DNAJC3: variants seen among roughly 807,000 people sequenced by gnomAD.
DNAJC3 encodes the protein dnaJ homolog subfamily C member 3.
DNAJC3 carries 38 observed loss-of-function variants against 68.6 expected under a neutral mutation model. The ratio of observed to expected loss-of-function variants is 0.55; its 90% CI spans 0.43 to 0.73. DNAJC3 has a LOEUF of 0.73. Among genes scored for constraint, DNAJC3 ranks in the 30% least tolerant of loss-of-function variants. The probability of loss-of-function intolerance (pLI) is 0.00; values close to 1 mark genes in which losing one functional copy is unlikely to be tolerated. For synonymous variants in DNAJC3, 203 were observed against 204.0 expected, an observed-to-expected ratio of 1.00 and a Z score of 0.04; for missense variants, 526 against 591.9, an observed-to-expected ratio of 0.89 and a Z score of 1.16.
intron 1 of DNAJC3, among the ~76,000 whole-genome samples, chr13:95,702,589 G>A (rs1593962412): frequency 6.6e-6 from 1 of 152,292 alleles, no homozygotes; most frequent in Middle Eastern, 3.4e-3. Context: ...GAGGCCTGAA[G>A]GAGCTTGTTT....
At chr13:95,779,095 A>T (rs1594025640) in intron 9 of DNAJC3, among the ~76,000 whole-genome samples, 4 of 144,686 alleles carry the variant, frequency 2.8e-5, no homozygotes, top group Admixed American at 2.7e-4. Flanking sequence ...AACGGAATTT[A>T]TAATCTTTGA....
At position 95,725,165 on chromosome 13, in the gene DNAJC3, C is replaced by T; in HGVS notation, c.319-13C>T. 1 of 1,545,752 alleles carries T rather than the reference C, an allele frequency of 6.5e-7. No homozygotes were observed. The highest frequency in any genetic ancestry group is 8.7e-7 in the Non-Finnish European group (1 of 1,150,440). On this transcript the variant is annotated splice_polypyrimidine_tract_variant and intron_variant, in intron 3 of 11. Transcript: ENST00000602402. ...TAATATTCAAGATAATCCTCTGCCC[C>T]CTTTTTTTCTAGGCAAGATTACAGA...
chr13:95,730,460 T>C (rs899617453), intron 4 of DNAJC3, among the ~76,000 whole-genome samples: 3 of 152,232 alleles, frequency 2.0e-5, no homozygotes, highest in African/African-American at 7.2e-5. Context: ...TTTAAGTCTT[T>C]AAGGCGTTTG....
At chr13:95,698,398 G>C (rs77678596) in intron 1 of DNAJC3, among the ~76,000 whole-genome samples, 1 of 152,320 alleles carries the variant, frequency 6.6e-6, no homozygotes, top group East Asian at 1.9e-4. Flanking sequence ...GGGTCAGGGC[G>C]AGATAGCTGG....
chr13:95,753,972 C>T (rs1882571602), intron 4 of DNAJC3, among the ~76,000 whole-genome samples: 1 of 152,166 alleles, frequency 6.6e-6, no homozygotes, highest in Non-Finnish European at 1.5e-5. Flanking sequence ...ACAGCCCGGT[C>T]ACTGAGAAAT....
At chr13:95,710,614 C>A (rs760770476) in intron 2 of DNAJC3, among the ~76,000 whole-genome samples, 1 of 152,086 alleles carries the variant, frequency 6.6e-6, no homozygotes, top group Non-Finnish European at 1.5e-5. Context: ...TATATTTTTA[C>A]CTTGATTTGA....
At chr13:95,767,985 G>A (rs143949650) in intron 9 of DNAJC3, among the ~76,000 whole-genome samples, 40 of 152,100 alleles carry the variant, frequency 2.6e-4, no homozygotes, top group African/African-American at 8.0e-4. Context: ...GATTACAGGC[G>A]TGAGCTACAC....
rs1883788225 is a variant in DNAJC3, at chr13:95,791,913, T to TAA, written c.*885_*886dup. On this transcript the variant is annotated 3_prime_UTR_variant, in exon 12 of 12. Transcript: ENST00000602402. ...ATGTAACAAGACTGGTTTAGAAACG[T>TAA]AAAGTTGCGCAGTCAACATAAATAA... The TAA allele has an allele frequency of 6.6e-6, 1 of 152,246 alleles. No individual in the cohort carries two copies. Among genetic ancestry groups the TAA allele is most frequent in the Non-Finnish European group, 1.5e-5 (1 of 68,044 alleles). The allele number at this position is 152,246 out of a possible 1,614,324, so 9.4% of individuals were successfully genotyped here. A position where few individuals can be genotyped will look rare whatever the true frequency, so the allele number is the denominator to read the frequency against.
At chr13:95,712,206 T>C (rs1880993121) in intron 2 of DNAJC3, among the ~76,000 whole-genome samples, 1 of 152,166 alleles carries the variant, frequency 6.6e-6, no homozygotes, top group South Asian at 2.1e-4. Context: ...TTTGGGAATC[T>C]GTATTGGTGA....
At position 95,723,346 on chromosome 13, in the gene DNAJC3, T is replaced by C. The variant is rs761290518; in HGVS notation, c.298T>C (p.Leu100=). ...ALPDLTKVIQ[L]KMDFTAARLQ... ...TCCTGATTTAACTAAAGTGATTCAA[T>C]TGAAGATGGACTTCACTGCAGTAAG... The change falls in exon 3 of 12, where the codon TTG becomes CTG. Residue 100 remains leucine (L), a synonymous_variant. Coordinates refer to ENST00000602402, the MANE Select transcript of DNAJC3 (RefSeq NM_006260.5). 2 of 1,612,496 alleles carry C rather than the reference T, an allele frequency of 1.2e-6. No individual in the cohort carries two copies. The highest frequency in any genetic ancestry group is 1.7e-6 in the Non-Finnish European group (2 of 1,179,014).
Position 95,760,129 on chromosome 13 carries a change from AGCT to A in DNAJC3, c.639_641del (p.Ala214del). 1 of 1,613,194 alleles carries A rather than the reference AGCT, an allele frequency of 6.2e-7. No homozygotes were observed. The highest frequency in any genetic ancestry group is 8.5e-7 in the Non-Finnish European group (1 of 1,179,502). ...CTAGGAAAGCTATAAGTGACTTAAA[AGCT>A]GCGTCAAAGTTGAAGAATGATAATA... is the stretch of plus-strand genomic sequence containing the variant. On this transcript the variant is annotated inframe_deletion, in exon 6 of 12. Transcript: ENST00000602402.
chr13:95,688,353 G>C (rs562021290), intron 1 of DNAJC3, among the ~76,000 whole-genome samples: 4 of 151,954 alleles, frequency 2.6e-5, no homozygotes, highest in African/African-American at 9.7e-5. Context: ...GTCTTTTCTA[G>C]TTTTCAAGGG....
intron 4 of DNAJC3, among the ~76,000 whole-genome samples, chr13:95,736,304 G>T (rs1353693858): frequency 1.3e-5 from 2 of 151,914 alleles, no homozygotes; most frequent in Admixed American, 1.3e-4. Flanking sequence ...TGGCGATGCG[G>T]GCTCTTTTTT....
intron 7 of DNAJC3, among the ~76,000 whole-genome samples, 185 bp downstream of exon 7, chr13:95,760,983 T>G (rs79024044): frequency 6.6e-6 from 1 of 152,228 alleles, no homozygotes; most frequent in Admixed American, 6.5e-5. Flanking sequence ...TAAATAATAG[T>G]AACTGTGTAG....
At position 95,704,851 on chromosome 13, in the gene DNAJC3, G is replaced by GTTTTTTTTTTTTTTTTTATTTTTTTT. The variant is rs1880682013; in HGVS notation, c.83-4359_83-4358insATTTTTTTTTTTTTTTTTTTTTTTTT. ...AGAAAGGACTAATCTGTGTGTGTGT[G>GTTTTTTTTTTTTTTTTTATTTTTTTT]TTTTTTTTTTTTTTTTTTGAGACAG... On this transcript the variant is annotated intron_variant, in intron 1 of 11. Coordinates refer to ENST00000602402, the MANE Select transcript of DNAJC3 (RefSeq NM_006260.5). Among the ~76,000 whole-genome samples the GTTTTTTTTTTTTTTTTTATTTTTTTT allele has an allele frequency of 2.0e-5, 2 of 97,860 alleles. 1 individual carries two copies. The highest frequency in any genetic ancestry group is 1.2e-4 in the African/African-American group (2 of 16,730). 64.2% of individuals were successfully genotyped at this position (97,860 alleles called of 152,430 possible). A position where few individuals can be genotyped will look rare whatever the true frequency, so the allele number is the denominator to read the frequency against.
intron 9 of DNAJC3, among the ~76,000 whole-genome samples, chr13:95,779,119 CTTTTTTTT>C (rs142933580): frequency 1.0e-5 from 1 of 97,974 alleles, no homozygotes; most frequent in Non-Finnish European, 1.9e-5. Flanking sequence ...TTTCTTCTTT[CTTTTTTTT>C]TTTTTTTTTT....
intron 1 of DNAJC3, among the ~76,000 whole-genome samples, chr13:95,687,973 C>T (rs1293976195): frequency 6.6e-6 from 1 of 152,080 alleles, no homozygotes; most frequent in Non-Finnish European, 1.5e-5. Flanking sequence ...TAATAGTTCT[C>T]CCTTTAGCAA....
At chr13:95,784,075 C>T (rs1883527239) in intron 9 of DNAJC3, among the ~76,000 whole-genome samples, 2 of 152,214 alleles carry the variant, frequency 1.3e-5, no homozygotes, top group South Asian at 4.1e-4. Context: ...ATATCTTTCT[C>T]ATTTTAATCT....
At chr13:95,744,198 A>G (rs912037277) in intron 4 of DNAJC3, among the ~76,000 whole-genome samples, 4 of 152,154 alleles carry the variant, frequency 2.6e-5, no homozygotes, top group Admixed American at 1.3e-4. Flanking sequence ...ATTTTTTTAA[A>G]AAGTGTATAC....
Sources: gnomAD v4.1 joint callset for allele counts (sites outside exome capture counted in the v4.1 genomes callset) on GRCh38, gnomAD v4.1.1 for gene constraint, MANE v1.5 for transcripts, NCBI Gene and HGNC (gene_info 2026-07-23, HGNC 2026-07-21) for gene names.